The following C2CD5 variants were observed in gnomAD, a reference collection of about 807,000 sequenced individuals.
C2CD5 encodes the protein C2 calcium dependent domain containing 5.
In C2CD5, 109 loss-of-function variants were observed where a neutral mutation model predicts 130.3. The ratio of observed to expected loss-of-function variants is 0.84; its 90% confidence interval spans 0.72 to 0.98. The LOEUF (loss-of-function observed/expected upper bound fraction) is 0.98, where lower values mean the gene tolerates loss of function less well. C2CD5 is among the 50% of genes least tolerant of loss of function. C2CD5 has a pLI of 0.00. For missense variants in C2CD5, 996 were observed against 1,261.8 expected (o/e 0.79, Z 3.19); for synonymous variants, 454 against 429.2 (o/e 1.06, Z -0.71).
intron 3 of C2CD5, 82 bp from the exon 4 acceptor site, chr12:22,527,974 G>A (rs957463450): frequency 4.3e-6 from 3 of 701,332 alleles, no homozygotes; most frequent in Admixed American, 3.4e-5. Context: ...CAAATGAAAA[G>A]GATGACACAT....
chr12:22,532,694 G>T (rs143043244), intron 3 of C2CD5, among the ~76,000 whole-genome samples: 7 of 152,172 alleles, frequency 4.6e-5, no homozygotes, highest in South Asian at 4.1e-4. Context: ...CCATCTTCAG[G>T]TATCAGTTTG....
rs770698354 is a variant in C2CD5 at position 22,505,243 on chromosome 12, CTTCT to C, written c.1147+1464_1147+1467del. 2.0e-3 allele frequency among the ~76,000 whole-genome samples: 298 copies of C among 147,254 alleles called. 2 individuals are homozygous for C. The highest frequency in any genetic ancestry group is 4.1e-3 in the East Asian group (21 of 5,128). ...CCAATAACTTCAAAGCATTTTTACC[CTTCT>C]TTCTTTCTTTTTTTTTTTTTTTTTT... On this transcript the variant is annotated intron_variant, in intron 10 of 26. Coordinates refer to ENST00000446597, the MANE Select transcript of C2CD5 (RefSeq NM_001286176.2).
At chr12:22,543,731 TGTGA>T (rs1205636594) in intron 2 of C2CD5, among the ~76,000 whole-genome samples, 3 of 152,168 alleles carry the variant, frequency 2.0e-5, no homozygotes, top group Middle Eastern at 3.4e-3. Flanking sequence ...TGTGTATGTG[TGTGA>T]GTGTGTCGGT....
chr12:22,529,287 T>C (rs1292889128), intron 3 of C2CD5, among the ~76,000 whole-genome samples: 2 of 152,210 alleles, frequency 1.3e-5, no homozygotes, highest in African/African-American at 4.8e-5. Flanking sequence ...ACTATTGTTA[T>C]GTATACATTT....
chr12:22,517,935 G>T, intron 8 of C2CD5, 51 bp downstream of exon 8: 1 of 1,478,542 alleles, frequency 6.8e-7, no homozygotes, highest in African/African-American at 1.4e-5. Flanking sequence ...ATAAGAAATA[G>T]AAACAAATTT....
At chr12:22,506,499 A>T (rs1316286496) in intron 10 of C2CD5, among the ~76,000 whole-genome samples, 1 of 152,226 alleles carries the variant, frequency 6.6e-6, no homozygotes, top group Admixed American at 6.5e-5. Context: ...GTGACCAAAA[A>T]TAAATCAATT....
chr12:22,494,063 T>G lies in C2CD5; in HGVS notation c.1148-726A>C, dbSNP rs185160755. Among the ~76,000 whole-genome samples the G allele has an allele frequency of 6.2e-4, 95 of 152,194 alleles. 1 individual carries two copies. Among genetic ancestry groups the G allele is most frequent in the Middle Eastern group, 3.4e-3 (1 of 294 alleles). ...ATTTTATTACCAGAGAAGTCCAATA[T>G]TGCTTGTAATGGAGCACTATAAATG... On this transcript the variant is annotated intron_variant, in intron 10 of 26. Coordinates refer to ENST00000446597, the MANE Select transcript of C2CD5 (RefSeq NM_001286176.2).
At chr12:22,471,781 A>G (rs926422417) in intron 19 of C2CD5, among the ~76,000 whole-genome samples, 186 bp downstream of exon 19, 10 of 152,024 alleles carry the variant, frequency 6.6e-5, no homozygotes, top group African/African-American at 1.9e-4. Context: ...TATTTCTTTT[A>G]TAATTTGATA....
intron 23 of C2CD5, chr12:22,459,002 A>T (rs1237934286): frequency 1.3e-5 from 2 of 156,650 alleles, no homozygotes; most frequent in African/African-American, 2.4e-5. Context: ...CTAAAATTTT[A>T]AAAAAAGAGA....
intron 26 of C2CD5, among the ~76,000 whole-genome samples, chr12:22,452,098 G>C (rs978626491): frequency 3.3e-5 from 5 of 151,998 alleles, no homozygotes; most frequent in Admixed American, 1.3e-4. Flanking sequence ...TTAACACTGG[G>C]AAAAACCCAA....
At chr12:22,465,681 T>C (rs1279927467) in intron 22 of C2CD5, among the ~76,000 whole-genome samples, 1 of 152,058 alleles carries the variant, frequency 6.6e-6, no homozygotes. Flanking sequence ...GATACACACA[T>C]TATTTTTAAA....
chr12:22,544,082 G>A lies in C2CD5; in HGVS notation c.69C>T (p.Asp23=), dbSNP rs1364597300. 3.7e-6 allele frequency: 6 copies of A among 1,613,528 alleles called. No homozygotes were observed. In the South Asian group the frequency reaches 5.5e-5, roughly 15 times the overall value. ...CAACCTCCACGAAGGCATCAGTCAG[G>A]TCACTAGCACGGTCCATCACTGGCA... ...RHLPVMDRAS[D]LTDAFVEVKF... Residue 23 remains aspartate (D), a synonymous_variant, in exon 2 of 27, where the codon GAC becomes GAT. Coordinates refer to ENST00000446597, the MANE Select transcript of C2CD5 (RefSeq NM_001286176.2).
intron 4 of C2CD5, 106 bp downstream of exon 4, chr12:22,527,615 G>A: frequency 1.5e-6 from 1 of 663,640 alleles, no homozygotes; most frequent in Non-Finnish European, 2.4e-6. Context: ...ACCGCACCTA[G>A]CCTAAAGATA....
rs1383906951 is a variant in C2CD5, at chr12:22,514,360, G to C, written c.953-981C>G. ...ATTCTGTTCCTAAAAACAAAAAAAT[G>C]GTTTTTCTTATAGTAATCTGAACAT... On this transcript the variant is annotated intron_variant, in intron 8 of 26. Coordinates refer to ENST00000446597, the MANE Select transcript of C2CD5 (RefSeq NM_001286176.2). Among the ~76,000 whole-genome samples the C allele has an allele frequency of 2.0e-5, 3 of 151,948 alleles. No individual in the cohort carries two copies. The East Asian group carries it at 5.8e-4, about 29-fold the overall frequency.
Position 22,532,068 on chromosome 12 carries a change from C to T in C2CD5, c.177+3190G>A, listed in dbSNP as rs147940310. ...AATATTATTCCCAGGCCGGGCATTA[C>T]GCCTGTAATCCCAGCACTTTGGGAG... On this transcript the variant is annotated intron_variant, in intron 3 of 26. Coordinates refer to ENST00000446597, the MANE Select transcript of C2CD5 (RefSeq NM_001286176.2). Among the ~76,000 whole-genome samples the T allele has an allele frequency of 2.6e-4, 39 of 152,302 alleles. No homozygotes were observed. The East Asian group carries it at 6.4e-3, about 25-fold the overall frequency.
At chr12:22,522,550 T>C (rs1950363077) in intron 7 of C2CD5, among the ~76,000 whole-genome samples, 1 of 152,196 alleles carries the variant, frequency 6.6e-6, no homozygotes, top group Admixed American at 6.5e-5. Flanking sequence ...AAACTCCTTT[T>C]TTTGTAAATA....
intron 3 of C2CD5, among the ~76,000 whole-genome samples, chr12:22,530,508 A>AGT (rs1951175276): frequency 1.3e-5 from 2 of 149,044 alleles, no homozygotes; most frequent in Middle Eastern, 3.4e-3. Context: ...CCCAGGCTGG[A>AGT]GTGCAATGGC....
intron 3 of C2CD5, among the ~76,000 whole-genome samples, chr12:22,528,179 T>G (rs890035992): frequency 6.6e-6 from 1 of 152,206 alleles, no homozygotes; most frequent in Non-Finnish European, 1.5e-5. Flanking sequence ...TCCTGTGTTT[T>G]ACAACTTTGC....
intron 11 of C2CD5, among the ~76,000 whole-genome samples, chr12:22,490,640 A>C (rs1946214280): frequency 6.6e-6 from 1 of 152,154 alleles, no homozygotes; most frequent in South Asian, 2.1e-4. Flanking sequence ...CTATGTAAAT[A>C]TCTCTATATA....
Sources: gnomAD v4.1 joint callset for allele counts (sites outside exome capture counted in the v4.1 genomes callset) on GRCh38, gnomAD v4.1.1 for gene constraint, MANE v1.5 for transcripts, NCBI Gene and HGNC (gene_info 2026-07-23, HGNC 2026-07-21) for gene names.